HIBCH: variants seen among roughly 807,000 people sequenced by gnomAD.
HIBCH encodes 3-hydroxyisobutyryl-CoA hydrolase, mitochondrial.
Under a neutral mutation model 58.2 loss-of-function variants are expected in HIBCH, and 50 were observed. The ratio of observed to expected loss-of-function variants is 0.86; its 90% CI spans 0.68 to 1.09. The LOEUF (loss-of-function observed/expected upper bound fraction) is 1.09, where lower values mean the gene tolerates loss of function less well. Ranked by LOEUF, HIBCH falls within the 50% of genes least tolerant of loss-of-function variation. The pLI is 0.00. For missense variants in HIBCH, 450 were observed against 449.7 expected (o/e 1.00, Z -0.01); for synonymous variants, 151 against 146.9 (o/e 1.03, Z -0.20).
At chr2:190,302,126 A>G (rs1264575569) in intron 2 of HIBCH, among the ~76,000 whole-genome samples, 1 of 58,390 alleles carries the variant, frequency 1.7e-5, no homozygotes, top group Non-Finnish European at 7.6e-5. Flanking sequence ...AAATTTGGAA[A>G]AGAGAGCTTT....
Position 190,296,911 on chromosome 2 carries a change from C to G in HIBCH, c.121G>C (p.Glu41Gln), listed in dbSNP as rs756923156. The G allele has an allele frequency of 1.9e-6, 3 of 1,613,762 alleles. No homozygotes were observed. Among genetic ancestry groups the G allele is most frequent in the Non-Finnish European group, 2.5e-6 (3 of 1,179,776 alleles). ...HTDAAEEVLL[E>Q]KKGCTGVITL... ...ATGACTCCCGTGCAACCTTTTTTTT[C>G]CAATAGCACCTCTTCTGCTGCATCT... The change falls in exon 3 of 14, where the codon GAA (glutamate) becomes CAA (glutamine). Residue 41 changes from glutamate to glutamine, a missense_variant. Coordinates refer to ENST00000359678, the MANE Select transcript of HIBCH (RefSeq NM_014362.4).
rs1012643581 is a variant in HIBCH, at chr2:190,212,871, T to C, written c.1011+85A>G. On this transcript the variant is annotated intron_variant, in intron 12 of 13. Transcript: ENST00000359678. ...TACAGGTGGTTTTAATTTTCTTGTTTGCACTTAGTGTATTTTACAAGTTCT... is the reference window on the plus strand; with the variant it reads ...TACAGGTGGTTTTAATTTTCTTGTTCGCACTTAGTGTATTTTACAAGTTCT... 2.0e-5 allele frequency: 24 copies of C among 1,207,374 alleles called. No homozygotes were observed. In the Admixed American group the frequency reaches 4.8e-4, roughly 24 times the overall value. The allele number at this position is 1,207,374 out of a possible 1,614,324, so 74.8% of individuals were successfully genotyped here. A position where few individuals can be genotyped will look rare whatever the true frequency, so the allele number is the denominator to read the frequency against.
At chr2:190,193,888 T>G (rs1689837845) in intron 1 of HIBCH, among the ~76,000 whole-genome samples, 1 of 152,184 alleles carries the variant, frequency 6.6e-6, no homozygotes, top group African/African-American at 2.4e-5. Flanking sequence ...ATATCACTGA[T>G]TTAAACTTTT....
chr2:190,282,371 G>A (rs1687723928), intron 6 of HIBCH, among the ~76,000 whole-genome samples: 1 of 152,184 alleles, frequency 6.6e-6, no homozygotes, highest in African/African-American at 2.4e-5. Flanking sequence ...CTTCTAGTGA[G>A]GGCCTTATGT....
intron 5 of HIBCH, among the ~76,000 whole-genome samples, chr2:190,290,017 T>G (rs929477898): frequency 6.6e-6 from 1 of 152,186 alleles, no homozygotes; most frequent in African/African-American, 2.4e-5. Flanking sequence ...TAGCTGGGAT[T>G]ACAGGCACTT....
At chr2:190,241,972 C>T (rs1002718151) in intron 11 of HIBCH, among the ~76,000 whole-genome samples, 19 of 152,028 alleles carry the variant, frequency 1.2e-4, no homozygotes, top group Admixed American at 5.9e-4. Flanking sequence ...AGCATCTTCG[C>T]GGCGTTCTCT....
At chr2:190,287,842 A>T (rs1009442924) in intron 5 of HIBCH, among the ~76,000 whole-genome samples, 5 of 152,328 alleles carry the variant, frequency 3.3e-5, no homozygotes, top group Non-Finnish European at 5.9e-5. Context: ...TTATCATTTA[A>T]CAACTTAACC....
intron 6 of HIBCH, among the ~76,000 whole-genome samples, chr2:190,271,282 C>CTTTTTTT (rs35074167): frequency 1.2e-5 from 1 of 83,774 alleles, no homozygotes; most frequent in Non-Finnish European, 2.2e-5. Context: ...CTCTACCCTA[C>CTTTTTTT]TTTTTTTTTT....
chr2:190,277,441 C>T (rs1687583968), intron 6 of HIBCH, among the ~76,000 whole-genome samples: 1 of 152,142 alleles, frequency 6.6e-6, no homozygotes, highest in South Asian at 2.1e-4. Context: ...TGTACAAATT[C>T]TTAACAAAAT....
intron 6 of HIBCH, among the ~76,000 whole-genome samples, chr2:190,266,013 AT>A (rs1171178913): frequency 6.6e-6 from 1 of 151,130 alleles, no homozygotes; most frequent in Non-Finnish European, 1.5e-5. Context: ...TATTTTGATC[AT>A]TTCATTGTGA....
At chr2:190,309,751 G>T (rs1476908180) in intron 2 of HIBCH, among the ~76,000 whole-genome samples, 1 of 151,746 alleles carries the variant, frequency 6.6e-6, no homozygotes, top group Non-Finnish European at 1.5e-5. Context: ...AGCAGAGATG[G>T]GGTTTCACAG....
At position 190,207,818 on chromosome 2, in the gene HIBCH, T is replaced by G. The variant is rs1203173985; in HGVS notation, c.1045+1062A>C. Among the ~76,000 whole-genome samples, 1 of 151,762 alleles carries G rather than the reference T, an allele frequency of 6.6e-6. No individual in the cohort carries two copies. Among genetic ancestry groups the G allele is most frequent in the Non-Finnish European group, 1.5e-5 (1 of 67,974 alleles). On this transcript the variant is annotated intron_variant, in intron 13 of 13. Coordinates refer to ENST00000359678, the MANE Select transcript of HIBCH (RefSeq NM_014362.4). This position sits in a 1 kb window ranked among gnomAD's most constrained non-coding sequence, Gnocchi z 4.5. ...ATCACTTGAACCTGGGAGGTGGAGG[T>G]TGCAGTAAGCCGAAAGTGCACCACT...
chr2:190,213,503 C>CTA, intron 11 of HIBCH: 1 of 185,508 alleles, frequency 5.4e-6, no homozygotes, highest in Non-Finnish European at 1.1e-5. Flanking sequence ...AAACAGGATA[C>CTA]TAGGCCCCTG....
intron 2 of HIBCH, 148 bp from the exon 3 acceptor site, chr2:190,297,101 T>A: frequency 1.4e-6 from 1 of 729,156 alleles, no homozygotes; most frequent in Non-Finnish European, 2.3e-6. Flanking sequence ...GTTTCTGAAG[T>A]TATTTAGATT....
intron 11 of HIBCH, among the ~76,000 whole-genome samples, chr2:190,233,258 A>AT (rs1279826038): frequency 7.2e-5 from 11 of 152,236 alleles, no homozygotes; most frequent in African/African-American, 2.2e-4. Flanking sequence ...TGCTCATCAT[A>AT]TGACACCACT....
At chr2:190,310,658 G>T in intron 2 of HIBCH, 96 bp downstream of exon 2, 1 of 1,013,428 alleles carries the variant, frequency 9.9e-7, no homozygotes, top group Non-Finnish European at 1.6e-6. Flanking sequence ...CTAAGGTCAA[G>T]GAAATCTGCC....
chr2:190,280,453 C>T (rs895972261), intron 6 of HIBCH, among the ~76,000 whole-genome samples: 2 of 152,084 alleles, frequency 1.3e-5, no homozygotes, highest in African/African-American at 2.4e-5. Flanking sequence ...AATAACTGGT[C>T]GCAGCTGGCA....
chr2:190,225,741 A>G (rs1460737706), intron 11 of HIBCH, among the ~76,000 whole-genome samples: 1 of 152,232 alleles, frequency 6.6e-6, no homozygotes, highest in East Asian at 1.9e-4. Flanking sequence ...ATCAACAGAA[A>G]AAGAGGGAAT....
chr2:190,214,066 C>T lies in HIBCH; in HGVS notation c.892-991G>A, dbSNP rs1327654018. On this transcript the variant is annotated intron_variant, in intron 11 of 13. Transcript: ENST00000359678. This position sits in a 1 kb window ranked among gnomAD's most constrained non-coding sequence, Gnocchi z 5.5. ...GCCTGTATGGAGTTAAGACTCCAGCCGAGAAGGGAGACGCACCCCACTTGA... is the reference window on the plus strand; with the variant it reads ...GCCTGTATGGAGTTAAGACTCCAGCTGAGAAGGGAGACGCACCCCACTTGA... The T allele has an allele frequency of 2.6e-5, 4 of 152,140 alleles. No individual in the cohort carries two copies. Among genetic ancestry groups the T allele is most frequent in the Admixed American group, 6.5e-5 (1 of 15,272 alleles). The allele number at this position is 152,140 out of a possible 1,614,324, so 9.4% of individuals were successfully genotyped here. A position where few individuals can be genotyped will look rare whatever the true frequency, so the allele number is the denominator to read the frequency against.
Sources: allele counts gnomAD v4.1 joint callset (sites outside exome capture counted in the v4.1 genomes callset), GRCh38; gene constraint gnomAD v4.1.1; non-coding constraint Gnocchi (gnomAD v3.1); transcripts MANE v1.5; gene names NCBI Gene and HGNC (gene_info 2026-07-23, HGNC 2026-07-21).